The following FBLN7 variants were observed in gnomAD, a reference collection of about 807,000 sequenced individuals.
FBLN7 encodes the protein fibulin-7.
A neutral mutation model predicts 44.0 loss-of-function variants in FBLN7; 31 were observed. The ratio of observed to expected loss-of-function variants is 0.70; its 90% CI spans 0.53 to 0.95. The LOEUF is 0.95. Among genes scored for constraint, FBLN7 ranks in the 40% least tolerant of loss-of-function variants. The pLI is 0.00. For missense variants in FBLN7, 573 were observed against 618.5 expected (o/e 0.93, Z 0.78); for synonymous variants, 262 against 253.4 (o/e 1.03, Z -0.32).
the FBLN7 span, among the ~76,000 whole-genome samples, chr2:112,220,874 T>C: frequency 6.6e-6 from 1 of 152,308 alleles, no homozygotes; most frequent in East Asian, 1.9e-4. Flanking sequence ...TCTCTCCAGC[T>C]GCCCTTAACC....
chr2:112,229,804 C>G, the FBLN7 span, among the ~76,000 whole-genome samples: 1 of 151,844 alleles, frequency 6.6e-6, no homozygotes, highest in Non-Finnish European at 1.5e-5. Flanking sequence ...TACAGCAAAG[C>G]TCCAAAACTT....
intron 1 of FBLN7, among the ~76,000 whole-genome samples, chr2:112,148,769 G>GTGGTGGTGA (rs1681004344): frequency 6.6e-6 from 1 of 152,216 alleles, no homozygotes; most frequent in Non-Finnish European, 1.5e-5. Flanking sequence ...GGTGGTTGTG[G>GTGGTGGTGA]TGGTGGTGAT....
At chr2:112,233,680 A>G in the FBLN7 span, among the ~76,000 whole-genome samples, 2 of 152,306 alleles carry the variant, frequency 1.3e-5, no homozygotes, top group South Asian at 4.1e-4. Context: ...ATCCTGGCTA[A>G]CACGGTGAAA....
chr2:112,204,574 G>C, the FBLN7 span, among the ~76,000 whole-genome samples: 1 of 152,120 alleles, frequency 6.6e-6, no homozygotes, highest in African/African-American at 2.4e-5. Context: ...AAGACTTCAA[G>C]TATAAGGGAG....
chr2:112,183,040 A>G (rs1049702180), intron 6 of FBLN7, 112 bp downstream of exon 6: 1 of 1,418,360 alleles, frequency 7.1e-7, no homozygotes. Context: ...TTTCAGATAC[A>G]TTGGATTTTT....
chr2:112,190,535 T>C (rs1365497283), downstream of FBLN7: 2 of 152,222 alleles, frequency 1.3e-5, no homozygotes, highest in Non-Finnish European at 2.9e-5. Context: ...GTTTTCTTCT[T>C]TGAGTACATT....
chr2:112,146,499 A>G (rs571095522), intron 1 of FBLN7, among the ~76,000 whole-genome samples: 1 of 150,236 alleles, frequency 6.7e-6, no homozygotes, highest in African/African-American at 2.4e-5. Context: ...ATCAGTATAT[A>G]TATATTTTTA....
intron 1 of FBLN7, among the ~76,000 whole-genome samples, chr2:112,147,824 T>C (rs569084046): frequency 6.6e-6 from 1 of 152,322 alleles, no homozygotes; most frequent in Admixed American, 6.5e-5. Context: ...ACAGTAGATA[T>C]CACACTTTTT....
intron 2 of FBLN7, among the ~76,000 whole-genome samples, chr2:112,161,976 C>G (rs892992037): frequency 1.3e-5 from 2 of 152,124 alleles, no homozygotes; most frequent in East Asian, 3.9e-4. Flanking sequence ...TGGAGGAAAG[C>G]CAGACACCTG....
chr2:112,208,065 G>C, the FBLN7 span, among the ~76,000 whole-genome samples: 1 of 152,194 alleles, frequency 6.6e-6, no homozygotes. Context: ...GTAAACAAAT[G>C]GGCATAGTTG....
chr2:112,214,782 G>C, the FBLN7 span: 5 of 152,190 alleles, frequency 3.3e-5, no homozygotes, highest in African/African-American at 1.2e-4. Context: ...CCATAACCCA[G>C]GTAGGAGAGA....
the FBLN7 span, among the ~76,000 whole-genome samples, chr2:112,242,617 T>G: frequency 2.0e-5 from 3 of 152,234 alleles, no homozygotes; most frequent in Non-Finnish European, 4.4e-5. Context: ...TGTGGATTAT[T>G]ATACTGTCAA....
chr2:112,197,234 AACACACACACAC>A, the FBLN7 span, among the ~76,000 whole-genome samples: 37 of 89,366 alleles, frequency 4.1e-4, no homozygotes, highest in African/African-American at 1.1e-3. Flanking sequence ...CGTAAGAGAA[AACACACACACAC>A]ACACACACAC....
Position 112,181,890 on chromosome 2 carries a change from C to T in FBLN7, c.670+14C>T, listed in dbSNP as rs1311884969. 6.5e-7 allele frequency: 1 copy of T among 1,534,404 alleles called. No homozygotes were observed. The highest frequency in any genetic ancestry group is 1.4e-5 in the African/African-American group (1 of 72,484). ...GCGTCTGCCAGGGTAGGCGCGGGCT[C>T]CGCCAGGACACTGGGGACAGCACGG... On this transcript the variant is annotated intron_variant, in intron 5 of 7. Coordinates refer to ENST00000331203, the MANE Select transcript of FBLN7 (RefSeq NM_153214.3).
the FBLN7 span, among the ~76,000 whole-genome samples, chr2:112,233,683 C>T: frequency 1.3e-5 from 2 of 152,024 alleles, no homozygotes; most frequent in African/African-American, 4.8e-5. Context: ...CTGGCTAACA[C>T]GGTGAAACCT....
the FBLN7 span, chr2:112,234,009 T>C: frequency 1.5e-6 from 1 of 648,964 alleles, no homozygotes; most frequent in Non-Finnish European, 2.4e-6. Context: ...TCTAACTGAT[T>C]TTTTTCCAGA....
At chr2:112,185,705 T>A (rs990056862) in intron 7 of FBLN7, among the ~76,000 whole-genome samples, 2 of 152,004 alleles carry the variant, frequency 1.3e-5, no homozygotes, top group Non-Finnish European at 2.9e-5. Context: ...CAGGTATAGA[T>A]CACATGGATT....
the FBLN7 span, among the ~76,000 whole-genome samples, chr2:112,198,897 C>G: frequency 5.7e-4 from 87 of 152,256 alleles, 2 homozygotes; most frequent in African/African-American, 1.7e-3. Flanking sequence ...CTCAGTAAAG[C>G]CAGGGAAGCC....
chr2:112,178,061 C>T (rs1286160544), intron 4 of FBLN7: 1 of 151,254 alleles, frequency 6.6e-6, no homozygotes, highest in Non-Finnish European at 1.5e-5. Context: ...TCCAGCTGTT[C>T]AGAGGCAGAG....
Sources: gnomAD v4.1 joint callset for allele counts (sites outside exome capture counted in the v4.1 genomes callset) on GRCh38, gnomAD v4.1.1 for gene constraint, MANE v1.5 for transcripts, NCBI Gene and HGNC (gene_info 2026-07-23, HGNC 2026-07-21) for gene names.